The following ARHGAP24 variants were observed in gnomAD, a reference collection of about 807,000 sequenced individuals.
ARHGAP24 encodes Rho GTPase activating protein 24.
A neutral mutation model predicts 76.4 loss-of-function variants in ARHGAP24; 50 were observed. That is an observed-to-expected ratio of 0.65 (90% confidence interval 0.52 to 0.83). The LOEUF is 0.83. Among genes scored for constraint, ARHGAP24 ranks in the 40% least tolerant of loss-of-function variants. ARHGAP24 has a pLI of 0.00. For missense variants in ARHGAP24, 930 were observed against 914.2 expected (o/e 1.02, Z -0.22); for synonymous variants, 345 against 323.3 (o/e 1.07, Z -0.72).
chr4:85,813,411 C>G (rs938302817), intron 3 of ARHGAP24, among the ~76,000 whole-genome samples: 5 of 152,000 alleles, frequency 3.3e-5, no homozygotes, highest in African/African-American at 7.3e-5. Context: ...AAAATAATAA[C>G]CAAATGGAGA....
intron 2 of ARHGAP24, among the ~76,000 whole-genome samples, chr4:85,612,879 G>A (rs1339708660): frequency 7.4e-6 from 1 of 135,958 alleles, no homozygotes; most frequent in Non-Finnish European, 1.5e-5. Context: ...GCTCACTGCA[G>A]CCACAACCTC....
At position 85,928,928 on chromosome 4, in the gene ARHGAP24, G is replaced by A. The variant is rs575420133; in HGVS notation, c.391+5158G>A. Among the ~76,000 whole-genome samples, 5 of 152,324 alleles carry A rather than the reference G, an allele frequency of 3.3e-5. No individual in the cohort carries two copies. In the East Asian group the frequency reaches 7.7e-4, roughly 23 times the overall value. Reference sequence around the variant, plus strand: ...CCTTACAATGAGTAATTGGTATGCAGGCAGACAGAGGTTAATTAAGAGGCA... The same window carrying A: ...CCTTACAATGAGTAATTGGTATGCAAGCAGACAGAGGTTAATTAAGAGGCA... On this transcript the variant is annotated intron_variant, in intron 4 of 9. Coordinates refer to ENST00000395184, the MANE Select transcript of ARHGAP24 (RefSeq NM_001025616.3).
At chr4:85,954,057 C>T (rs1251380319) in intron 5 of ARHGAP24, among the ~76,000 whole-genome samples, 1 of 152,130 alleles carries the variant, frequency 6.6e-6, no homozygotes, top group Non-Finnish European at 1.5e-5. Context: ...AGCATATGTG[C>T]ACTTTGCAAT....
intron 3 of ARHGAP24, among the ~76,000 whole-genome samples, chr4:85,917,539 AG>A (rs1243737152): frequency 1.3e-5 from 2 of 152,138 alleles, no homozygotes; most frequent in African/African-American, 4.8e-5. Flanking sequence ...ACAGTGTAAA[AG>A]TGTTCCTATT....
chr4:85,972,853 G>A (rs1053510561), intron 6 of ARHGAP24, among the ~76,000 whole-genome samples: 1 of 152,032 alleles, frequency 6.6e-6, no homozygotes, highest in Non-Finnish European at 1.5e-5. Context: ...TTTGGTGTGT[G>A]TGCACGATTG....
intron 2 of ARHGAP24, among the ~76,000 whole-genome samples, chr4:85,641,682 G>A (rs973016066): frequency 6.6e-6 from 1 of 152,142 alleles, no homozygotes; most frequent in African/African-American, 2.4e-5. Flanking sequence ...TGATTAATTT[G>A]CTAAACCATC....
chr4:85,600,915 G>A (rs1380011981), intron 2 of ARHGAP24, among the ~76,000 whole-genome samples: 3 of 152,086 alleles, frequency 2.0e-5, no homozygotes, highest in Non-Finnish European at 4.4e-5. Flanking sequence ...AAAAATGCAC[G>A]CTCAAATCAG....
intron 2 of ARHGAP24, among the ~76,000 whole-genome samples, chr4:85,591,028 TG>T (rs1047523093): frequency 2.2e-5 from 3 of 135,014 alleles, no homozygotes; most frequent in African/African-American, 8.2e-5. Context: ...TAAAATCTGC[TG>T]GGTTTTTTTT....
intron 1 of ARHGAP24, among the ~76,000 whole-genome samples, chr4:85,508,470 T>C (rs1724147589): frequency 6.6e-6 from 1 of 152,210 alleles, no homozygotes; most frequent in South Asian, 2.1e-4. Flanking sequence ...AGTGTTTCTC[T>C]GCCTGATGCC....
chr4:85,521,168 A>G (rs1180047276), intron 1 of ARHGAP24, among the ~76,000 whole-genome samples: 3 of 152,116 alleles, frequency 2.0e-5, no homozygotes, highest in African/African-American at 4.8e-5. Flanking sequence ...CAAACCCTTT[A>G]CTAATGGCCC....
intron 7 of ARHGAP24, chr4:85,975,564 G>GA (rs961628717): frequency 6.5e-6 from 1 of 152,924 alleles, no homozygotes; most frequent in Non-Finnish European, 1.5e-5. Flanking sequence ...ATTGTGCCTG[G>GA]AAAATATACC....
At chr4:85,554,484 C>T (rs1726271110) in intron 1 of ARHGAP24, among the ~76,000 whole-genome samples, 2 of 151,954 alleles carry the variant, frequency 1.3e-5, no homozygotes, top group Admixed American at 6.6e-5. Flanking sequence ...CCATATTTCT[C>T]GTTTTTATTC....
At position 85,646,536 on chromosome 4, in the gene ARHGAP24, A is replaced by G. The variant is rs191316931; in HGVS notation, c.181-75349A>G. On this transcript the variant is annotated intron_variant, in intron 2 of 9. Coordinates refer to ENST00000395184, the MANE Select transcript of ARHGAP24 (RefSeq NM_001025616.3). ...TTAGTTCAACTTAGAGCCACAATCT[A>G]TATTCCTCTTTAGTTCAAAAGTCAT... 1.9e-3 allele frequency among the ~76,000 whole-genome samples: 283 copies of G among 152,186 alleles called. 3 individuals are homozygous for G. Among genetic ancestry groups the G allele is most frequent in the African/African-American group, 6.5e-3 (270 of 41,562 alleles).
intron 1 of ARHGAP24, among the ~76,000 whole-genome samples, chr4:85,544,845 A>G (rs755864076): frequency 6.6e-6 from 1 of 152,064 alleles, no homozygotes; most frequent in Non-Finnish European, 1.5e-5. Flanking sequence ...TGGCATTTAA[A>G]ACACCTTTTC....
intron 1 of ARHGAP24, among the ~76,000 whole-genome samples, chr4:85,569,627 G>A (rs939377495): frequency 8.5e-5 from 13 of 152,114 alleles, no homozygotes; most frequent in African/African-American, 9.7e-5. Context: ...CCCTCCTGAA[G>A]CTTGAGAATG....
intron 3 of ARHGAP24, among the ~76,000 whole-genome samples, chr4:85,805,518 A>G (rs1303595701): frequency 6.6e-6 from 1 of 152,136 alleles, no homozygotes; most frequent in Non-Finnish European, 1.5e-5. Flanking sequence ...ACCATCTGGA[A>G]AGAAAGATGT....
intron 3 of ARHGAP24, among the ~76,000 whole-genome samples, chr4:85,760,857 C>T (rs928419960): frequency 1.3e-5 from 2 of 152,156 alleles, no homozygotes; most frequent in Admixed American, 6.6e-5. Context: ...AACTGTGTCT[C>T]ATGTATGTTT....
chr4:85,535,635 C>T (rs1209388960), intron 1 of ARHGAP24, among the ~76,000 whole-genome samples: 7 of 152,122 alleles, frequency 4.6e-5, no homozygotes, highest in Non-Finnish European at 1.0e-4. Context: ...TCCTATTGGC[C>T]ATCAAATTCT....
intron 2 of ARHGAP24, among the ~76,000 whole-genome samples, chr4:85,628,864 T>C (rs1011319645): frequency 6.6e-6 from 1 of 152,214 alleles, no homozygotes; most frequent in Non-Finnish European, 1.5e-5. Flanking sequence ...AATTTTAATC[T>C]ATATGTGTCT....
Sources: allele counts gnomAD v4.1 joint callset (sites outside exome capture counted in the v4.1 genomes callset), GRCh38; gene constraint gnomAD v4.1.1; transcripts MANE v1.5; gene names NCBI Gene and HGNC (gene_info 2026-07-23, HGNC 2026-07-21).